The following SIPA1L2 variants were observed in gnomAD, a reference collection of about 807,000 sequenced individuals.
SIPA1L2 encodes the protein signal induced proliferation associated 1 like 2.
SIPA1L2 carries 56 observed loss-of-function variants against 163.9 expected under a neutral mutation model. The observed-to-expected ratio is 0.34, with a 90% CI of 0.28 to 0.43. The LOEUF (loss-of-function observed/expected upper bound fraction) is 0.43. Among genes scored for constraint, SIPA1L2 ranks in the 20% least tolerant of loss-of-function variants. The pLI, the probability that SIPA1L2 is intolerant of heterozygous loss-of-function variation, is 1.00. For missense variants in SIPA1L2, 1,974 were observed against 2,193.5 expected (o/e 0.90, Z 2.00); for synonymous variants, 877 against 865.7 (o/e 1.01, Z -0.23).
At chr1:232,526,159 T>C (rs1667696862) in intron 2 of SIPA1L2, among the ~76,000 whole-genome samples, 1 of 152,190 alleles carries the variant, frequency 6.6e-6, no homozygotes, top group Admixed American at 6.5e-5. Context: ...GTCCCTGTAG[T>C]GCCAATACTG....
chr1:232,572,768 T>A (rs61825451), intron 2 of SIPA1L2, among the ~76,000 whole-genome samples: 1 of 82,396 alleles, frequency 1.2e-5, no homozygotes, highest in Non-Finnish European at 2.8e-5. Context: ...TATATATATA[T>A]ATATATATAT....
chr1:232,521,793 GTTT>G (rs1667470704), intron 2 of SIPA1L2, among the ~76,000 whole-genome samples: 1 of 152,112 alleles, frequency 6.6e-6, no homozygotes, highest in African/African-American at 2.4e-5. Context: ...GTTTTTCAGG[GTTT>G]ACCCTAGCCT....
chr1:232,571,920 T>C (rs776684470), intron 2 of SIPA1L2, among the ~76,000 whole-genome samples: 6 of 152,214 alleles, frequency 3.9e-5, no homozygotes, highest in Non-Finnish European at 7.3e-5. Context: ...CCCCTTTTCT[T>C]TGTAAATTAT....
chr1:232,528,988 C>T (rs1311673942), intron 2 of SIPA1L2, among the ~76,000 whole-genome samples: 1 of 152,214 alleles, frequency 6.6e-6, no homozygotes, highest in Admixed American at 6.5e-5. Context: ...TCTGTTCTCA[C>T]ACCCCCACTT....
chr1:232,618,168 A>C (rs190555006), intron 1 of SIPA1L2, among the ~76,000 whole-genome samples: 1 of 152,246 alleles, frequency 6.6e-6, no homozygotes, highest in Non-Finnish European at 1.5e-5. Flanking sequence ...AATAAATCTC[A>C]GAAGTTTAAA....
intron 1 of SIPA1L2, among the ~76,000 whole-genome samples, chr1:232,599,264 C>A (rs1661459108): frequency 6.6e-6 from 1 of 152,122 alleles, no homozygotes; most frequent in African/African-American, 2.4e-5. Context: ...CTGCAAATAC[C>A]ACCCACTCTG....
intron 2 of SIPA1L2, among the ~76,000 whole-genome samples, chr1:232,552,390 G>A (rs776618796): frequency 4.6e-5 from 7 of 151,956 alleles, no homozygotes; most frequent in Non-Finnish European, 8.8e-5. Flanking sequence ...TAAGTAATTA[G>A]TAAATATTCG....
chr1:232,499,993 T>G (rs1437669366), intron 3 of SIPA1L2, among the ~76,000 whole-genome samples: 1 of 152,212 alleles, frequency 6.6e-6, no homozygotes, highest in Non-Finnish European at 1.5e-5. Context: ...TTTTTTTTTT[T>G]TTGAGACGGA....
At chr1:232,493,691 A>C in intron 3 of SIPA1L2, 31 bp from the exon 4 acceptor site, 1 of 1,611,976 alleles carries the variant, frequency 6.2e-7, no homozygotes, top group Non-Finnish European at 8.5e-7. Context: ...TGGCATCAAA[A>C]GAATGAAAAA....
At chr1:232,598,599 G>A (rs1661411428) in intron 1 of SIPA1L2, among the ~76,000 whole-genome samples, 1 of 152,138 alleles carries the variant, frequency 6.6e-6, no homozygotes, top group Admixed American at 6.5e-5. Context: ...AGTTCTGGAG[G>A]CTGGAAGTCC....
chr1:232,546,862 G>C (rs752402605), intron 2 of SIPA1L2, among the ~76,000 whole-genome samples: 1 of 152,160 alleles, frequency 6.6e-6, no homozygotes, highest in Non-Finnish European at 1.5e-5. Flanking sequence ...TGATCAGGAC[G>C]GTTTCTCAGA....
intron 2 of SIPA1L2, among the ~76,000 whole-genome samples, chr1:232,543,824 C>T (rs1657842803): frequency 6.6e-6 from 1 of 152,184 alleles, no homozygotes; most frequent in African/African-American, 2.4e-5. Flanking sequence ...GCTATGATTA[C>T]ACCACTGCAC....
intron 2 of SIPA1L2, among the ~76,000 whole-genome samples, chr1:232,569,450 T>A (rs1159901518): frequency 6.6e-6 from 1 of 152,142 alleles, no homozygotes; most frequent in Non-Finnish European, 1.5e-5. Context: ...CCTGTAGAGA[T>A]CTAGTAACTA....
intron 1 of SIPA1L2, among the ~76,000 whole-genome samples, chr1:232,605,486 G>A (rs919472419): frequency 6.6e-6 from 1 of 152,194 alleles, no homozygotes; most frequent in Non-Finnish European, 1.5e-5. Flanking sequence ...CCTGCGGTCA[G>A]GAATTCAACA....
intron 2 of SIPA1L2, among the ~76,000 whole-genome samples, chr1:232,533,119 T>C (rs1166865161): frequency 6.6e-6 from 1 of 152,186 alleles, no homozygotes; most frequent in Non-Finnish European, 1.5e-5. Context: ...CTGAGGAATT[T>C]GTTAAAAACA....
At chr1:232,419,392 GTC>G (rs1307346553) in intron 18 of SIPA1L2, among the ~76,000 whole-genome samples, 1 of 152,046 alleles carries the variant, frequency 6.6e-6, no homozygotes, top group African/African-American at 2.4e-5. Context: ...GTTTTTTTGA[GTC>G]TCTGACATGG....
In SIPA1L2 at chr1:232,479,718, C is replaced by A; in HGVS notation, c.1994G>T (p.Gly665Val). The part of the protein sequence containing the change: ...AQLDNKTDST[G>V]THSLYTTYKD... ...GTATGTGGTATAGAGAGAGTGCGTG[C>A]CCGTGGAATCAGCTGAAAACAAAGA... Residue 665 changes from glycine to valine, a missense_variant, in exon 7 of 23, where the codon GGC becomes GTC. By Grantham distance (109) the Gly-to-Val change is moderately radical (BLOSUM62 -3). Coordinates refer to ENST00000674635, the MANE Select transcript of SIPA1L2 (RefSeq NM_020808.5). 4 of 1,613,244 alleles carry A rather than the reference C, an allele frequency of 2.5e-6. No homozygotes were observed. In the South Asian group the frequency reaches 4.4e-5, roughly 18 times the overall value.
At chr1:232,553,997 T>C (rs1220480302) in intron 2 of SIPA1L2, among the ~76,000 whole-genome samples, 1 of 152,166 alleles carries the variant, frequency 6.6e-6, no homozygotes, top group Non-Finnish European at 1.5e-5. Flanking sequence ...GAGAAATACC[T>C]AAGGCATGAG....
intron 5 of SIPA1L2, among the ~76,000 whole-genome samples, chr1:232,488,375 G>A (rs946059004): frequency 2.0e-5 from 3 of 152,150 alleles, no homozygotes; most frequent in South Asian, 2.1e-4. Context: ...AAACAGCACC[G>A]CTTGGAATAA....
Sources: gnomAD v4.1 joint callset for allele counts (sites outside exome capture counted in the v4.1 genomes callset) on GRCh38, gnomAD v4.1.1 for gene constraint, MANE v1.5 for transcripts, NCBI Gene and HGNC (gene_info 2026-07-23, HGNC 2026-07-21) for gene names.